Variants in UNC13B observed in about 807,000 individuals in gnomAD.
The protein encoded by UNC13B is protein unc-13 homolog B.
In UNC13B, 144 loss-of-function variants were observed where a neutral mutation model predicts 211.0. The ratio of observed to expected loss-of-function variants is 0.68; its 90% CI spans 0.60 to 0.78. The LOEUF (loss-of-function observed/expected upper bound fraction) is 0.78, where lower values mean the gene tolerates loss of function less well. Ranked by LOEUF, UNC13B falls within the 30% of genes least tolerant of loss-of-function variation. The pLI is 0.00. For synonymous variants in UNC13B, 709 were observed against 725.8 expected (o/e 0.98, Z 0.37); for missense variants, 1,777 against 2,002.0 (o/e 0.89, Z 2.14).
rs1587581338 is a variant in UNC13B at position 35,305,136 on chromosome 9, A to T, written c.5732A>T (p.Asp1911Val). The change falls in exon 9 of 40, where the codon GAT becomes GTT. Residue 1911 changes from aspartate to valine, a missense_variant. Transcript: ENST00000635942. ...CAGGGCCAGTCATCCAAAGAGTCTG[A>T]TAAAACATTATTTAAAAGTTCATTG... ...LPQGQSSKES[D>V]KTLFKSSLKL... The T allele has an allele frequency of 2.5e-6, 1 of 398,876 alleles. No individual in the cohort carries two copies. The highest frequency in any genetic ancestry group is 4.4e-5 in the Admixed American group (1 of 22,706). The allele number at this position is 398,876 out of a possible 1,614,324, so 24.7% of individuals were successfully genotyped here.
Position 35,306,907 on chromosome 9 carries a change from A to T in UNC13B, c.7503A>T (p.Val2501=), listed in dbSNP as rs1829952619. ...CCTTTTTCTCTCTTGCTTCTGATGT[A>T]TCATCTCAGCCCCTCAAAGGTGAAT... is the stretch of plus-strand genomic sequence containing the variant. ...KNSFFSLASD[V]SSQPLKGELF... Residue 2501 remains valine, a synonymous_variant, in exon 9 of 40, where the codon GTA becomes GTT. Transcript: ENST00000635942. 1 of 398,908 alleles carries T rather than the reference A, an allele frequency of 2.5e-6. No individual in the cohort carries two copies. Among genetic ancestry groups the T allele is most frequent in the African/African-American group, 2.1e-5 (1 of 48,628 alleles). 24.7% of individuals were successfully genotyped at this position (398,908 alleles called of 1,614,324 possible).
intron 6 of UNC13B, among the ~76,000 whole-genome samples, chr9:35,257,125 G>C (rs1012868876): frequency 2.0e-5 from 3 of 151,422 alleles, no homozygotes; most frequent in Non-Finnish European, 4.4e-5. Flanking sequence ...TTATAACCAA[G>C]TCCTTTTGTT....
intron 6 of UNC13B, among the ~76,000 whole-genome samples, chr9:35,250,528 A>G (rs1335116945): frequency 2.0e-5 from 3 of 152,206 alleles, no homozygotes; most frequent in Non-Finnish European, 4.4e-5. Context: ...ATTCCATTGT[A>G]TGGATGTAGT....
In UNC13B at chr9:35,398,200, T is replaced by C; in HGVS notation, c.11755-11T>C. On this transcript the variant is annotated splice_polypyrimidine_tract_variant and intron_variant, in intron 30 of 39. Coordinates refer to ENST00000635942, the MANE Select transcript of UNC13B (RefSeq NM_001371189.2). ...GGAGCCAAGACTCAACAGCTACATCTGTCCCCAAAGCCCTGCATCCTGATG... is the reference window on the plus strand; with the variant it reads ...GGAGCCAAGACTCAACAGCTACATCCGTCCCCAAAGCCCTGCATCCTGATG... 2 of 1,611,582 alleles carry C rather than the reference T, an allele frequency of 1.2e-6. No individual in the cohort carries two copies. The highest frequency in any genetic ancestry group is 1.7e-6 in the Non-Finnish European group (2 of 1,178,378).
chr9:35,314,438 C>A (rs755640983), intron 11 of UNC13B, among the ~76,000 whole-genome samples: 1 of 151,980 alleles, frequency 6.6e-6, no homozygotes, highest in Non-Finnish European at 1.5e-5. Flanking sequence ...TCTGAAACAA[C>A]GTCAAAAAAA....
intron 5 of UNC13B, among the ~76,000 whole-genome samples, chr9:35,239,107 G>A (rs1459770218): frequency 6.6e-6 from 1 of 152,054 alleles, no homozygotes; most frequent in East Asian, 1.9e-4. Context: ...TATCTGGGGA[G>A]TGCCTGTTTC....
chr9:35,164,484 T>C lies in UNC13B; in HGVS notation c.22+2179T>C, dbSNP rs1017074504. ...ATGCAGAGTTCAAAAAGTAGTTAAC[T>C]TGATGTAGAAATTGGCAAACTGGTA... On this transcript the variant is annotated intron_variant, in intron 1 of 39. Coordinates refer to ENST00000635942, the MANE Select transcript of UNC13B (RefSeq NM_001371189.2). Among the ~76,000 whole-genome samples, 3 of 149,042 alleles carry C rather than the reference T, an allele frequency of 2.0e-5. No individual in the cohort carries two copies. In the South Asian group the frequency reaches 6.2e-4, roughly 31 times the overall value.
intron 11 of UNC13B, among the ~76,000 whole-genome samples, chr9:35,350,132 T>C (rs1832620803): frequency 6.6e-6 from 1 of 152,168 alleles, no homozygotes. Context: ...CTTTCCTCCT[T>C]GTACTTTCCA....
intron 11 of UNC13B, chr9:35,353,246 G>A (rs1035312633): frequency 1.6e-6 from 2 of 1,232,162 alleles, no homozygotes; most frequent in African/African-American, 3.1e-5. Flanking sequence ...GGAGGATGAG[G>A]ATGTGGAAAT....
Position 35,188,902 on chromosome 9 carries a change from A to G in UNC13B, c.22+26597A>G, listed in dbSNP as rs918335496. 5.9e-5 allele frequency among the ~76,000 whole-genome samples: 9 copies of G among 152,302 alleles called. No individual in the cohort carries two copies. In the South Asian group the frequency reaches 1.9e-3, roughly 32 times the overall value. ...TTAACCAATTTGACCATGAGGTGCA[A>G]TCTTTACAAACCTTTTATAACCCTT... On this transcript the variant is annotated intron_variant, in intron 1 of 39. Transcript: ENST00000635942.
intron 13 of UNC13B, 128 bp downstream of exon 13, chr9:35,370,524 A>C (rs1834051533): frequency 3.6e-6 from 3 of 826,494 alleles, no homozygotes; most frequent in Non-Finnish European, 5.7e-6. Context: ...CAATCATTTA[A>C]AGCCTTCGGA....
intron 7 of UNC13B, among the ~76,000 whole-genome samples, chr9:35,292,877 G>T (rs1409803147): frequency 1.3e-5 from 2 of 152,224 alleles, no homozygotes; most frequent in East Asian, 3.8e-4. Flanking sequence ...GCAAAGCCAG[G>T]GCTTTTCTCG....
chr9:35,341,813 C>A, intron 11 of UNC13B: 1 of 472,062 alleles, frequency 2.1e-6, no homozygotes, highest in Non-Finnish European at 2.8e-6. Flanking sequence ...AGGGCTGGTG[C>A]CCTATGGGAG....
chr9:35,371,487 TC>T (rs1169252607), intron 13 of UNC13B, among the ~76,000 whole-genome samples: 1 of 152,088 alleles, frequency 6.6e-6, no homozygotes, highest in Admixed American at 6.6e-5. Flanking sequence ...ACTCCTCCTT[TC>T]TAATGTACCT....
intron 6 of UNC13B, among the ~76,000 whole-genome samples, chr9:35,250,541 A>T (rs952084624): frequency 6.6e-6 from 1 of 152,184 alleles, no homozygotes; most frequent in African/African-American, 2.4e-5. Context: ...GATGTAGTAC[A>T]TTTTAAATTC....
Position 35,404,899 on chromosome 9 carries a change from G to C in UNC13B, c.*866G>C, listed in dbSNP as rs913898960. 2 of 152,652 alleles carry C rather than the reference G, an allele frequency of 1.3e-5. No homozygotes were observed. The highest frequency in any genetic ancestry group is 4.8e-5 in the African/African-American group (2 of 41,444). The allele number at this position is 152,652 out of a possible 1,614,324, so 9.5% of individuals were successfully genotyped here. A position where few individuals can be genotyped will look rare whatever the true frequency, so the allele number is the denominator to read the frequency against. ...GCCAAAAATTGTAGAAACCAGTCTA[G>C]AAAAAGTCCTGCTCATCTGTGGCCA... On this transcript the variant is annotated 3_prime_UTR_variant, in exon 40 of 40. Transcript: ENST00000635942.
intron 11 of UNC13B, among the ~76,000 whole-genome samples, chr9:35,314,784 G>A (rs568328424): frequency 4.8e-4 from 69 of 143,124 alleles, no homozygotes; most frequent in African/African-American, 1.8e-3. Flanking sequence ...GTGAGACCAT[G>A]CAGTATCCCA....
At chr9:35,308,562 A>G (rs2131852226) in intron 9 of UNC13B, 150 bp downstream of exon 9, 1 of 395,602 alleles carries the variant, frequency 2.5e-6, no homozygotes, top group South Asian at 1.4e-4. Context: ...GGGGTTAAAT[A>G]ACAAGAACTC....
intron 7 of UNC13B, among the ~76,000 whole-genome samples, chr9:35,282,416 A>C (rs903285672): frequency 6.6e-6 from 1 of 151,622 alleles, no homozygotes; most frequent in African/African-American, 2.4e-5. Flanking sequence ...TATGTCTTAC[A>C]ATTTTTTTTG....
Sources: allele counts gnomAD v4.1 joint callset (sites outside exome capture counted in the v4.1 genomes callset), GRCh38; gene constraint gnomAD v4.1.1; transcripts MANE v1.5; gene names NCBI Gene and HGNC (gene_info 2026-07-23, HGNC 2026-07-21).